The following HPSE2 variants were observed in gnomAD, a reference collection of about 807,000 sequenced individuals.
HPSE2 encodes inactive heparanase-2.
HPSE2 carries 38 observed loss-of-function variants against 60.5 expected under a neutral mutation model. The ratio of observed to expected loss-of-function variants is 0.63; its 90% CI spans 0.48 to 0.82. HPSE2 has a LOEUF of 0.82. HPSE2 is among the 40% of genes least tolerant of loss of function. The pLI, the probability that HPSE2 is intolerant of heterozygous loss-of-function variation, is 0.00. For synonymous variants in HPSE2, 295 were observed against 293.2 expected (o/e 1.01, Z -0.06); for missense variants, 713 against 740.4 (o/e 0.96, Z 0.43).
chr10:99,143,681 G>C (rs1439010751), intron 3 of HPSE2, among the ~76,000 whole-genome samples: 2 of 152,104 alleles, frequency 1.3e-5, no homozygotes, highest in Non-Finnish European at 2.9e-5. Context: ...AAGCAGCCTT[G>C]AAAAAAGTTG....
At chr10:99,244,313 G>A in the HPSE2 span, among the ~76,000 whole-genome samples, 472 of 151,556 alleles carry the variant, frequency 3.1e-3, 4 homozygotes, top group African/African-American at 0.011. Context: ...CACCACGCCC[G>A]GCCTACAACG....
intron 3 of HPSE2, among the ~76,000 whole-genome samples, chr10:99,142,126 A>G (rs558806462): frequency 6.6e-6 from 1 of 152,294 alleles, no homozygotes; most frequent in Admixed American, 6.5e-5. Context: ...GAAATCCTGG[A>G]CTATGTGTTC....
At chr10:98,667,979 G>T (rs1036528793) in intron 6 of HPSE2, among the ~76,000 whole-genome samples, 2 of 152,046 alleles carry the variant, frequency 1.3e-5, no homozygotes, top group Admixed American at 6.6e-5. Context: ...AAGAGAAGAA[G>T]AAATCAACCT....
chr10:98,834,993 A>G (rs1181135687), intron 3 of HPSE2, among the ~76,000 whole-genome samples: 2 of 152,044 alleles, frequency 1.3e-5, no homozygotes, highest in Non-Finnish European at 2.9e-5. Context: ...AAATTTCTCT[A>G]TCTTAATTTC....
rs542674838 is a variant in HPSE2, at chr10:98,597,350, T to TC, written c.1320+17553dup. On this transcript the variant is annotated intron_variant, in intron 9 of 11. Coordinates refer to ENST00000370552, the MANE Select transcript of HPSE2 (RefSeq NM_021828.5). ...AATTTCTATTCCTTTGTCCCTTTGC[T>TC]CCCCCTTGAACTTCTACAATTAAAA... Among the ~76,000 whole-genome samples, 649 of 152,036 alleles carry TC rather than the reference T, an allele frequency of 4.3e-3. 3 individuals carry two copies. Among genetic ancestry groups the TC allele is most frequent in the African/African-American group, 0.015 (625 of 41,458 alleles).
At chr10:98,498,588 G>A (rs927556128) in intron 9 of HPSE2, among the ~76,000 whole-genome samples, 1 of 152,016 alleles carries the variant, frequency 6.6e-6, no homozygotes, top group African/African-American at 2.4e-5. Context: ...ACAAAACAAG[G>A]CCCTTTAACA....
chr10:99,116,696 G>A (rs578144610), intron 3 of HPSE2, among the ~76,000 whole-genome samples: 53 of 152,272 alleles, frequency 3.5e-4, no homozygotes, highest in African/African-American at 1.2e-3. Context: ...TGCCCTGTGA[G>A]ACACGGAGAA....
intron 9 of HPSE2, among the ~76,000 whole-genome samples, chr10:98,520,691 A>G (rs910029144): frequency 1.3e-5 from 2 of 152,216 alleles, no homozygotes; most frequent in African/African-American, 4.8e-5. Context: ...TTAACTTTGC[A>G]ACTTCCAAAG....
chr10:99,244,163 G>A, the HPSE2 span, among the ~76,000 whole-genome samples: 383 of 150,842 alleles, frequency 2.5e-3, 3 homozygotes, highest in African/African-American at 8.9e-3. Flanking sequence ...GACTACAAGC[G>A]CCCGCCACCG....
At chr10:98,888,732 C>A (rs1161455609) in intron 3 of HPSE2, among the ~76,000 whole-genome samples, 1 of 152,164 alleles carries the variant, frequency 6.6e-6, no homozygotes, top group Non-Finnish European at 1.5e-5. Context: ...TGTTTCTCAA[C>A]AGCCCACAAG....
intron 9 of HPSE2, among the ~76,000 whole-genome samples, chr10:98,612,872 T>C (rs1003649380): frequency 2.6e-5 from 4 of 152,194 alleles, no homozygotes; most frequent in African/African-American, 9.7e-5. Context: ...TCCTTTCAGC[T>C]TACAAAGCCC....
intron 9 of HPSE2, among the ~76,000 whole-genome samples, chr10:98,595,121 G>T (rs1426537602): frequency 1.3e-5 from 2 of 149,444 alleles, no homozygotes; most frequent in South Asian, 2.1e-4. Flanking sequence ...TACCTCCTTG[G>T]TTAAATTTAT....
chr10:99,026,710 C>T (rs897555048), intron 3 of HPSE2, among the ~76,000 whole-genome samples: 4 of 152,096 alleles, frequency 2.6e-5, no homozygotes, highest in African/African-American at 9.7e-5. Context: ...AAGGATAAAC[C>T]ATAGGTTAGG....
At chr10:98,669,839 C>T (rs1454197563) in intron 6 of HPSE2, among the ~76,000 whole-genome samples, 2 of 152,120 alleles carry the variant, frequency 1.3e-5, no homozygotes, top group Non-Finnish European at 1.5e-5. Flanking sequence ...TCACATAATA[C>T]ACCCATGTAA....
intron 3 of HPSE2, among the ~76,000 whole-genome samples, chr10:98,754,959 T>C (rs1330047719): frequency 2.0e-5 from 3 of 151,094 alleles, no homozygotes; most frequent in South Asian, 4.3e-4. Context: ...ATAAAGCAAC[T>C]ACACAATCAA....
chr10:99,227,879 GT>G (rs1849524893), intron 2 of HPSE2, among the ~76,000 whole-genome samples: 1 of 145,946 alleles, frequency 6.9e-6, no homozygotes, highest in Admixed American at 7.0e-5. Flanking sequence ...ATGTGTGTGT[GT>G]GTGTGTGTGT....
chr10:98,989,681 G>T (rs1225524454), intron 3 of HPSE2, among the ~76,000 whole-genome samples: 1 of 151,844 alleles, frequency 6.6e-6, no homozygotes, highest in Non-Finnish European at 1.5e-5. Flanking sequence ...AAAAAGGCTT[G>T]TCTTTTAATC....
chr10:99,279,002 C>T, the HPSE2 span, among the ~76,000 whole-genome samples: 5 of 152,228 alleles, frequency 3.3e-5, no homozygotes, highest in Admixed American at 3.3e-4. Context: ...CTTCAAACTA[C>T]CAAAGATAAC....
At chr10:98,932,007 T>C (rs1954654531) in intron 3 of HPSE2, among the ~76,000 whole-genome samples, 1 of 143,856 alleles carries the variant, frequency 7.0e-6, no homozygotes. Flanking sequence ...AGCACTTGGT[T>C]GAAAAGGAGT....
Sources: allele counts gnomAD v4.1 joint callset (sites outside exome capture counted in the v4.1 genomes callset), GRCh38; gene constraint gnomAD v4.1.1; transcripts MANE v1.5; gene names NCBI Gene and HGNC (gene_info 2026-07-23, HGNC 2026-07-21).